The following MAP3K4 variants were observed in gnomAD, a reference collection of about 807,000 sequenced individuals.
The protein encoded by MAP3K4 is MAP three kinase 1.
Under a neutral mutation model 185.6 loss-of-function variants are expected in MAP3K4, and 67 were observed. The ratio of observed to expected loss-of-function variants is 0.36; its 90% CI spans 0.30 to 0.44. MAP3K4 has a LOEUF of 0.44. MAP3K4 is among the 20% of genes least tolerant of loss of function. The pLI, the probability that MAP3K4 is intolerant of heterozygous loss-of-function variation, is 1.00. For synonymous variants in MAP3K4, 702 were observed against 710.4 expected (o/e 0.99, Z 0.19); for missense variants, 1,551 against 1,995.1 (o/e 0.78, Z 4.24).
In MAP3K4 at chr6:161,075,012, A is replaced by C. The variant is rs952526792; in HGVS notation, c.2097+1400A>C. Among the ~76,000 whole-genome samples the C allele has an allele frequency of 1.3e-5, 2 of 152,208 alleles. No homozygotes were observed. Among genetic ancestry groups the C allele is most frequent in the Non-Finnish European group, 2.9e-5 (2 of 68,036 alleles). The stretch of plus-strand genomic sequence containing the variant: ...ACATGTTGAGCTTTCCAGCCTCTGT[A>C]GTAGAAGTAGAGAAGGAAGAATGTG... On this transcript the variant is annotated intron_variant, in intron 5 of 26. Coordinates refer to ENST00000392142, the MANE Select transcript of MAP3K4 (RefSeq NM_005922.4). This position sits in a 1 kb window ranked among gnomAD's most constrained non-coding sequence, Gnocchi z 4.3.
At chr6:161,035,341 G>A (rs1295928791) in intron 2 of MAP3K4, among the ~76,000 whole-genome samples, 3 of 152,114 alleles carry the variant, frequency 2.0e-5, no homozygotes, top group Non-Finnish European at 2.9e-5. Flanking sequence ...TGTAGTCTGT[G>A]TTCATTCTTC....
chr6:161,072,615 A>C (rs954888176), intron 4 of MAP3K4, among the ~76,000 whole-genome samples: 1 of 152,256 alleles, frequency 6.6e-6, no homozygotes, highest in African/African-American at 2.4e-5. Context: ...AGTGTAAAAC[A>C]TAATAGTATA....
rs150307891 is a variant in MAP3K4, at chr6:161,004,933, C to T, written c.152+12850C>T. Reference sequence around the variant, plus strand: ...AACCAGTAATCTGATAAACATTTGACGTTGAAACAGAGAAAACACGATTTT... The same window carrying T: ...AACCAGTAATCTGATAAACATTTGATGTTGAAACAGAGAAAACACGATTTT... On this transcript the variant is annotated intron_variant, in intron 1 of 26. Transcript: ENST00000392142. 3.2e-4 allele frequency among the ~76,000 whole-genome samples: 49 copies of T among 152,176 alleles called. No homozygotes were observed. In the East Asian group the frequency reaches 8.1e-3, roughly 25 times the overall value.
chr6:160,992,321 G>A (rs542356870), intron 1 of MAP3K4: 1 of 543,902 alleles, frequency 1.8e-6, no homozygotes, highest in Non-Finnish European at 3.1e-6. Flanking sequence ...CGTGTTGCCG[G>A]CTCCCCTTCC....
At chr6:160,993,834 C>T (rs1431792668) in intron 1 of MAP3K4, among the ~76,000 whole-genome samples, 4 of 134,490 alleles carry the variant, frequency 3.0e-5, no homozygotes, top group Non-Finnish European at 6.4e-5. Context: ...AAGTGAACAG[C>T]AGTGTACGGA....
At chr6:161,000,136 A>C (rs1033005785) in intron 1 of MAP3K4, among the ~76,000 whole-genome samples, 1 of 152,202 alleles carries the variant, frequency 6.6e-6, no homozygotes, top group Admixed American at 6.5e-5. Context: ...CTTATAACCA[A>C]AAGAAAACAA....
At chr6:161,059,061 TAAAAC>T (rs572021015) in intron 3 of MAP3K4, among the ~76,000 whole-genome samples, 2 of 152,158 alleles carry the variant, frequency 1.3e-5, no homozygotes, top group Admixed American at 6.6e-5. Flanking sequence ...AATTTATACT[TAAAAC>T]AGTGCAGGAG....
At position 161,114,579 on chromosome 6, in the gene MAP3K4, C is replaced by T. The variant is rs1583254713; in HGVS notation, c.4627-544C>T. On this transcript the variant is annotated intron_variant, in intron 25 of 26. Transcript: ENST00000392142. This position sits in a 1 kb window ranked among gnomAD's most constrained non-coding sequence, Gnocchi z 4.3. Reference sequence around the variant, plus strand: ...TCTCATATTGAAGAATACATATTGGCAATGACGAAACAATAGTTTAGAAAT... The same window carrying T: ...TCTCATATTGAAGAATACATATTGGTAATGACGAAACAATAGTTTAGAAAT... 6.6e-6 allele frequency among the ~76,000 whole-genome samples: 1 copy of T among 152,160 alleles called. No individual in the cohort carries two copies. The highest frequency in any genetic ancestry group is 1.5e-5 in the Non-Finnish European group (1 of 68,014).
rs1048019976 is a variant in MAP3K4 at position 161,087,857 on chromosome 6, G to A, written c.2726G>A (p.Arg909Gln). The change falls in exon 10 of 27, where the codon CGA (arginine) becomes CAA (glutamine). Residue 909 changes from arginine (R) to glutamine (Q), a missense_variant. Coordinates refer to ENST00000392142, the MANE Select transcript of MAP3K4 (RefSeq NM_005922.4). This position sits in a 1 kb window ranked among gnomAD's most constrained non-coding sequence, Gnocchi z 4.9. ...AYLLLTKHGD[R>Q]ARDSEDSWGT... ...CTGCTTCTGACCAAGCACGGTGATCGAGCCCGTGATTCAGAGGACAGCTGG... is the reference window on the plus strand; with the variant it reads ...CTGCTTCTGACCAAGCACGGTGATCAAGCCCGTGATTCAGAGGACAGCTGG... The A allele has an allele frequency of 1.2e-5, 20 of 1,614,012 alleles. No individual in the cohort carries two copies. Among genetic ancestry groups the A allele is most frequent in the South Asian group, 6.6e-5 (6 of 91,076 alleles).
In MAP3K4 at chr6:161,081,030, G is replaced by A. The variant is rs1785427535; in HGVS notation, c.2247G>A (p.Lys749=). The change falls in exon 6 of 27, where the codon AAG becomes AAA. Residue 749 remains lysine (K), a synonymous_variant. Coordinates refer to ENST00000392142, the MANE Select transcript of MAP3K4 (RefSeq NM_005922.4). ...GGGGAGGAGAAGCACAGGCCGGGAA[G>A]CTTTTCTGGTAGGAATCCTTGTGCT... ...YIRGGEAQAG[K]LFCDIAGMLL... The A allele has an allele frequency of 2.5e-6, 4 of 1,613,670 alleles. No individual in the cohort carries two copies. The highest frequency in any genetic ancestry group is 1.3e-5 in the African/African-American group (1 of 74,872).
At chr6:161,002,100 T>C (rs1249680820) in intron 1 of MAP3K4, among the ~76,000 whole-genome samples, 2 of 151,150 alleles carry the variant, frequency 1.3e-5, no homozygotes, top group East Asian at 3.9e-4. Context: ...TTCTCTCTCT[T>C]ACTTTAGTTG....
rs1783846462 is a variant in MAP3K4, at chr6:161,048,529, G to A, written c.344-87G>A. ...ATTAGCAGTCTGAAAATATAAATAT[G>A]TGTGAATACCAGTTTTATTGAAAAT... On this transcript the variant is annotated intron_variant, in intron 2 of 26. Coordinates refer to ENST00000392142, the MANE Select transcript of MAP3K4 (RefSeq NM_005922.4). The surrounding 1 kb of genome is among the most constrained non-coding windows in gnomAD (Gnocchi z 4.7). The A allele has an allele frequency of 6.0e-6, 5 of 833,516 alleles. No homozygotes were observed. The South Asian group carries it at 9.9e-5, about 16-fold the overall frequency. 51.6% of individuals were successfully genotyped at this position (833,516 alleles called of 1,614,324 possible).
chr6:161,010,063 T>G (rs983534639), intron 1 of MAP3K4, among the ~76,000 whole-genome samples: 1 of 152,242 alleles, frequency 6.6e-6, no homozygotes, highest in South Asian at 2.1e-4. Context: ...ATTCTTGCAT[T>G]TTAAATCGTG....
intron 3 of MAP3K4, among the ~76,000 whole-genome samples, chr6:161,052,588 C>T (rs901309947): frequency 1.3e-5 from 2 of 152,086 alleles, no homozygotes; most frequent in Admixed American, 1.3e-4. Flanking sequence ...TAACAGAGAG[C>T]GAAAGTGGGA....
At position 161,114,055 on chromosome 6, in the gene MAP3K4, G is replaced by A. The variant is rs9456624; in HGVS notation, c.4627-1068G>A. On this transcript the variant is annotated intron_variant, in intron 25 of 26. Transcript: ENST00000392142. The surrounding 1 kb of genome is among the most constrained non-coding windows in gnomAD (Gnocchi z 4.3). ...CATGATCCGCCTGCCTCAGCCTCCC[G>A]AAGTGCTGAGTGACATTTTTAAAGA... is the stretch of plus-strand genomic sequence containing the variant. 0.021 allele frequency among the ~76,000 whole-genome samples: 3,184 copies of A among 151,964 alleles called. 70 individuals carry two copies. Among genetic ancestry groups the A allele is most frequent in the African/African-American group, 0.052 (2,167 of 41,432 alleles).
intron 1 of MAP3K4, among the ~76,000 whole-genome samples, chr6:161,003,807 T>C (rs969278797): frequency 2.6e-5 from 4 of 152,152 alleles, no homozygotes; most frequent in Admixed American, 2.6e-4. Context: ...TTCTTTGTTG[T>C]ACAAGACAAG....
In MAP3K4 at chr6:161,110,489, C is replaced by T. The variant is rs1172460489; in HGVS notation, c.4396+575C>T. The stretch of plus-strand genomic sequence containing the variant: ...CTCAGAACGGTCACCGTGGCATTTG[C>T]CTTAACCACGCCATGCCCCTGACCT... On this transcript the variant is annotated intron_variant, in intron 23 of 26. Coordinates refer to ENST00000392142, the MANE Select transcript of MAP3K4 (RefSeq NM_005922.4). The surrounding 1 kb of genome is among the most constrained non-coding windows in gnomAD (Gnocchi z 4.8). Among the ~76,000 whole-genome samples the T allele has an allele frequency of 6.6e-6, 1 of 152,184 alleles. No individual in the cohort carries two copies. Among genetic ancestry groups the T allele is most frequent in the African/African-American group, 2.4e-5 (1 of 41,442 alleles).
chr6:160,992,946 G>A (rs960317936), intron 1 of MAP3K4, among the ~76,000 whole-genome samples: 1 of 151,928 alleles, frequency 6.6e-6, no homozygotes, highest in Non-Finnish European at 1.5e-5. Flanking sequence ...CTTGCAAACT[G>A]CTGCCCCCTG....
intron 1 of MAP3K4, among the ~76,000 whole-genome samples, chr6:161,002,060 T>G (rs1053647639): frequency 2.6e-5 from 4 of 151,186 alleles, no homozygotes; most frequent in Non-Finnish European, 5.9e-5. Context: ...GTTTTTTTTT[T>G]TTTTTTTTTT....
Sources: gnomAD v4.1 joint callset for allele counts (sites outside exome capture counted in the v4.1 genomes callset) on GRCh38, gnomAD v4.1.1 for gene constraint, Gnocchi (gnomAD v3.1) non-coding constraint, MANE v1.5 for transcripts, NCBI Gene and HGNC (gene_info 2026-07-23, HGNC 2026-07-21) for gene names.